PALM2AKAP2: variants seen among roughly 807,000 people sequenced by gnomAD.
The protein encoded by PALM2AKAP2 is PALM2 and AKAP2 fusion.
In PALM2AKAP2, 37 loss-of-function variants were observed where a neutral mutation model predicts 71.5. That is an observed-to-expected ratio of 0.52 (90% CI 0.40 to 0.68). The LOEUF is 0.68. Ranked by LOEUF, PALM2AKAP2 falls within the 30% of genes least tolerant of loss-of-function variation. The probability of loss-of-function intolerance (pLI) is 0.00; values close to 1 mark genes in which losing one functional copy is unlikely to be tolerated. For synonymous variants in PALM2AKAP2, 468 were observed against 478.8 expected (o/e 0.98, Z 0.29); for missense variants, 1,224 against 1,191.8 (o/e 1.03, Z -0.40).
At chr9:110,093,010 T>A (rs1181587603) in intron 1 of PALM2AKAP2, among the ~76,000 whole-genome samples, 1 of 151,668 alleles carries the variant, frequency 6.6e-6, no homozygotes, top group Admixed American at 6.6e-5. Flanking sequence ...GCTGAAGGAG[T>A]GAGAGCTCCC....
chr9:110,093,831 A>C (rs1048686182), intron 1 of PALM2AKAP2, among the ~76,000 whole-genome samples: 2 of 152,234 alleles, frequency 1.3e-5, no homozygotes, highest in African/African-American at 4.8e-5. Context: ...GACTCAGTTC[A>C]GATGACAGTT....
chr9:109,881,875 T>A (rs1587982398), intron 3 of PALM2AKAP2, among the ~76,000 whole-genome samples: 1 of 127,966 alleles, frequency 7.8e-6, no homozygotes, highest in South Asian at 2.8e-4. Context: ...GCTTATGAGC[T>A]CTTTTTTTTT....
intron 1 of PALM2AKAP2, among the ~76,000 whole-genome samples, chr9:109,701,362 A>G (rs1337122608): frequency 6.6e-6 from 1 of 152,256 alleles, no homozygotes; most frequent in African/African-American, 2.4e-5. Context: ...GGCTATAGTA[A>G]CCAAAACAGC....
At chr9:110,158,904 G>T (rs1206824130) in intron 3 of PALM2AKAP2, among the ~76,000 whole-genome samples, 1 of 152,174 alleles carries the variant, frequency 6.6e-6, no homozygotes, top group Non-Finnish European at 1.5e-5. Context: ...AACAAATTCA[G>T]ATTGCTTCTA....
intron 1 of PALM2AKAP2, among the ~76,000 whole-genome samples, chr9:109,649,137 T>C (rs1213333500): frequency 1.3e-5 from 2 of 152,182 alleles, no homozygotes; most frequent in Non-Finnish European, 2.9e-5. Context: ...TATTTCTTAC[T>C]GTAAGTCATT....
chr9:109,852,363 C>T (rs1465683229), intron 1 of PALM2AKAP2, among the ~76,000 whole-genome samples: 2 of 152,152 alleles, frequency 1.3e-5, no homozygotes, highest in Admixed American at 1.3e-4. Flanking sequence ...CTGCAAAGAA[C>T]ATGATTTCAT....
intron 3 of PALM2AKAP2, among the ~76,000 whole-genome samples, chr9:109,881,876 C>CTTTTTTTTTTTTTTTTTTTTTTT (rs565835467): frequency 6.3e-5 from 6 of 95,114 alleles, no homozygotes; most frequent in African/African-American, 1.8e-4. Flanking sequence ...CTTATGAGCT[C>CTTTTTTTTTTTTTTTTTTTTTTT]TTTTTTTTTT....
chr9:109,643,480 A>G (rs1827103327), intron 1 of PALM2AKAP2, among the ~76,000 whole-genome samples: 1 of 152,234 alleles, frequency 6.6e-6, no homozygotes, highest in Non-Finnish European at 1.5e-5. Flanking sequence ...AGCACACAGG[A>G]TTGGTAAGTT....
chr9:110,014,799 AAAAAATGTATATAT>A lies in PALM2AKAP2; in HGVS notation c.497-1153_497-1140del, dbSNP rs1204711312. 8.1e-4 allele frequency among the ~76,000 whole-genome samples: 46 copies of A among 56,630 alleles called. 1 individual carries two copies. Among genetic ancestry groups the A allele is most frequent in the African/African-American group, 3.0e-3 (43 of 14,492 alleles). 37.2% of individuals were successfully genotyped at this position (56,630 alleles called of 152,430 possible). ...TGTCTCAAAAAAAAAAAAAAAAAAA[AAAAAATGTATATAT>A]ATATATATATATATATATATATATA... On this transcript the variant is annotated intron_variant, in intron 6 of 9. Coordinates refer to the PALM2AKAP2 transcript ENST00000302798.
intron 1 of PALM2AKAP2, among the ~76,000 whole-genome samples, chr9:109,729,039 C>T (rs1046325657): frequency 6.6e-6 from 1 of 152,176 alleles, no homozygotes; most frequent in Admixed American, 6.5e-5. Flanking sequence ...TCTCTGTTGG[C>T]TGCTACGTTT....
At chr9:109,845,019 C>G (rs561793580) in intron 1 of PALM2AKAP2, among the ~76,000 whole-genome samples, 1 of 151,856 alleles carries the variant, frequency 6.6e-6, no homozygotes, top group Admixed American at 6.6e-5. Context: ...GGAAGTCATT[C>G]GTGAAGATGC....
At chr9:109,891,769 G>C (rs1393936767) in intron 3 of PALM2AKAP2, among the ~76,000 whole-genome samples, 2 of 152,124 alleles carry the variant, frequency 1.3e-5, no homozygotes, top group Non-Finnish European at 2.9e-5. Flanking sequence ...GGGATTACAG[G>C]TGTGAATCCC....
chr9:109,767,995 GCAAAGGCA>G (rs1337617630), intron 1 of PALM2AKAP2, among the ~76,000 whole-genome samples: 8 of 69,338 alleles, frequency 1.2e-4, no homozygotes, highest in South Asian at 4.5e-4. Context: ...GAAGGAGGGA[GCAAAGGCA>G]GGTAGGTAGG....
chr9:110,168,668 TC>T, exon 4 of PALM2AKAP2: 1 of 725,198 alleles, frequency 1.4e-6, no homozygotes, highest in Non-Finnish European at 2.1e-6. Flanking sequence ...GAAAAGGAAG[TC>T]CCCCCATCAG....
chr9:110,061,796 C>T (rs1323174082), intron 1 of PALM2AKAP2, among the ~76,000 whole-genome samples: 1 of 141,108 alleles, frequency 7.1e-6, no homozygotes, highest in Non-Finnish European at 1.5e-5. Context: ...GCCTCGGCCT[C>T]CCAAAGTGCT....
chr9:109,854,808 A>G (rs185583400), intron 1 of PALM2AKAP2, among the ~76,000 whole-genome samples: 62 of 102,488 alleles, frequency 6.0e-4, no homozygotes, highest in Middle Eastern at 0.014. Flanking sequence ...GTCTTGCTCT[A>G]TCATCAGGCT....
intron 6 of PALM2AKAP2, among the ~76,000 whole-genome samples, chr9:109,972,397 C>T (rs1041023987): frequency 1.3e-5 from 2 of 152,152 alleles, no homozygotes; most frequent in African/African-American, 4.8e-5. Context: ...AAGGACTGTG[C>T]CAGCTTAGGG....
chr9:109,784,186 T>C (rs1826901895), intron 1 of PALM2AKAP2, among the ~76,000 whole-genome samples: 1 of 152,238 alleles, frequency 6.6e-6, no homozygotes, highest in Admixed American at 6.5e-5. Context: ...TTGCCATTTA[T>C]TGAATATTGT....
At position 110,065,482 on chromosome 9, in the gene PALM2AKAP2, G is replaced by A. The variant is rs142127264; in HGVS notation, c.156+16627G>A. The stretch of plus-strand genomic sequence containing the variant: ...GCTCCAGCGATCCTCCCACCTTGGT[G>A]TCCCAGAGTGTGGGGTCTTAGGTGT... On this transcript the variant is annotated intron_variant, in intron 1 of 3. Coordinates refer to ENST00000374525, the Ensembl canonical transcript of PALM2AKAP2. Among the ~76,000 whole-genome samples, 502 of 152,286 alleles carry A rather than the reference G, an allele frequency of 3.3e-3. 5 individuals carry two copies. Among genetic ancestry groups the A allele is most frequent in the Middle Eastern group, 0.031 (9 of 294 alleles).
Sources: allele counts gnomAD v4.1 joint callset (sites outside exome capture counted in the v4.1 genomes callset), GRCh38; gene constraint gnomAD v4.1.1; transcripts MANE v1.5; gene names NCBI Gene and HGNC (gene_info 2026-07-23, HGNC 2026-07-21).